PC: variants seen among roughly 807,000 people sequenced by gnomAD.
PC encodes the protein pyruvate carboxylase.
Under a neutral mutation model 107.8 loss-of-function variants are expected in PC, and 46 were observed. The ratio of observed to expected loss-of-function variants is 0.43; its 90% confidence interval spans 0.34 to 0.55. PC has a LOEUF of 0.55. Among genes scored for constraint, PC ranks in the 20% least tolerant of loss-of-function variants. The probability of loss-of-function intolerance (pLI) is 0.04; values close to 1 mark genes in which losing one functional copy is unlikely to be tolerated. For synonymous variants in PC, 662 were observed against 684.7 expected (o/e 0.97, Z 0.52); for missense variants, 1,241 against 1,643.1 (o/e 0.76, Z 4.23).
intron 12 of PC, 46 bp downstream of exon 12, chr11:66,863,728 C>T (rs765313130): frequency 8.2e-6 from 13 of 1,577,010 alleles, no homozygotes; most frequent in Non-Finnish European, 1.1e-5. Context: ...TCAGGGGGCC[C>T]TCCAAGGGCC....
At chr11:66,860,560 G>A (rs1330470245) in intron 12 of PC, 3 of 701,636 alleles carry the variant, frequency 4.3e-6, no homozygotes. Flanking sequence ...GACAAGGGTG[G>A]GGCTACCAGG....
chr11:66,948,455 G>A (rs897913492), intron 3 of PC, among the ~76,000 whole-genome samples: 1 of 152,194 alleles, frequency 6.6e-6, no homozygotes, highest in Non-Finnish European at 1.5e-5. Context: ...CTGGACTGCA[G>A]TGATGGTTTC....
intron 3 of PC, among the ~76,000 whole-genome samples, chr11:66,877,696 T>G (rs921557263): frequency 6.6e-6 from 1 of 152,220 alleles, no homozygotes; most frequent in Non-Finnish European, 1.5e-5. Flanking sequence ...AGAAGCAATT[T>G]AAAGATTCCA....
intron 3 of PC, among the ~76,000 whole-genome samples, chr11:66,926,127 G>A (rs143327890): frequency 4.6e-5 from 7 of 152,290 alleles, no homozygotes; most frequent in African/African-American, 1.7e-4. Flanking sequence ...CACTGTCCAG[G>A]CAAGGCCATT....
chr11:66,913,909 G>A (rs1948405411), intron 3 of PC, among the ~76,000 whole-genome samples: 1 of 152,250 alleles, frequency 6.6e-6, no homozygotes, highest in African/African-American at 2.4e-5. Flanking sequence ...TGTAGAGTCT[G>A]AACAGGGGCC....
chr11:66,921,208 C>T (rs1591284757), intron 3 of PC, among the ~76,000 whole-genome samples: 1 of 152,264 alleles, frequency 6.6e-6, no homozygotes, highest in Admixed American at 6.5e-5. Flanking sequence ...GTGGAAACGA[C>T]CCCGCTAAAA....
intron 3 of PC, among the ~76,000 whole-genome samples, chr11:66,904,787 GGGAACGGCATTAAGA>G (rs1288562218): frequency 2.0e-5 from 3 of 152,258 alleles, no homozygotes; most frequent in Non-Finnish European, 2.9e-5. Flanking sequence ...TCTGTGGGAA[GGGAACGGCATTAAGA>G]GGAACGGCAT....
chr11:66,885,799 G>A, intron 3 of PC, among the ~76,000 whole-genome samples: 1 of 152,114 alleles, frequency 6.6e-6, no homozygotes, highest in Admixed American at 6.5e-5. Flanking sequence ...TGGGGTTTCT[G>A]GCCTCCAGAT....
chr11:66,941,215 G>A (rs1949122708), intron 3 of PC, among the ~76,000 whole-genome samples: 1 of 152,126 alleles, frequency 6.6e-6, no homozygotes, highest in Non-Finnish European at 1.5e-5. Flanking sequence ...TGAGGATGTG[G>A]AAAAACTGGA....
chr11:66,938,980 T>C (rs1949061606), intron 3 of PC, among the ~76,000 whole-genome samples: 1 of 152,208 alleles, frequency 6.6e-6, no homozygotes, highest in Admixed American at 6.5e-5. Context: ...CATTTTAGGT[T>C]TCATCTTCTC....
In PC at chr11:66,866,409, G is replaced by C. The variant is rs531902718; in HGVS notation, c.1023-60C>G. 1.6e-6 allele frequency: 2 copies of C among 1,256,044 alleles called. No homozygotes were observed. The highest frequency in any genetic ancestry group is 1.3e-5 in the South Asian group (1 of 79,804). The allele number at this position is 1,256,044 out of a possible 1,614,324, so 77.8% of individuals were successfully genotyped here. A position where few individuals can be genotyped will look rare whatever the true frequency, so the allele number is the denominator to read the frequency against. ...GAGAAAGGGGGAAACATGAGGCGGG[G>C]GATAGACGAGGGGCACCGCAGCCAG... On this transcript the variant is annotated intron_variant, in intron 10 of 22. Transcript: ENST00000393960. This position sits in a 1 kb window ranked among gnomAD's most constrained non-coding sequence, Gnocchi z 5.4.
intron 12 of PC, chr11:66,859,502 C>A (rs1321198296): frequency 1.0e-5 from 15 of 1,500,776 alleles, no homozygotes; most frequent in South Asian, 1.3e-5. Context: ...CCAGCCTGTT[C>A]ACCTTCCTGA....
chr11:66,871,909 C>T lies in PC; in HGVS notation c.137-38G>A. ...GAAACAAGAAGTTAGATTCCTAGGT[C>T]CTAGGAGAAGCAGAAAGGGGAGTGG... On this transcript the variant is annotated intron_variant, in intron 4 of 22. Coordinates refer to ENST00000393960, the MANE Select transcript of PC (RefSeq NM_001040716.2). The surrounding 1 kb of genome is among the most constrained non-coding windows in gnomAD (Gnocchi z 7.4). 1 of 1,595,750 alleles carries T rather than the reference C, an allele frequency of 6.3e-7. No individual in the cohort carries two copies.
At chr11:66,931,434 C>T (rs184399917) in intron 3 of PC, among the ~76,000 whole-genome samples, 7 of 149,758 alleles carry the variant, frequency 4.7e-5, no homozygotes, top group Admixed American at 4.6e-4. Context: ...GGACTTCAAC[C>T]GGGGAGGGAA....
intron 3 of PC, among the ~76,000 whole-genome samples, chr11:66,892,231 T>G (rs1330749398): frequency 1.3e-5 from 2 of 152,150 alleles, no homozygotes; most frequent in African/African-American, 4.8e-5. Flanking sequence ...TGAAGAACAC[T>G]TCCCCTGAGA....
At chr11:66,868,814 G>A (rs1416218605) in intron 10 of PC, 32 bp downstream of exon 10, 8 of 1,545,214 alleles carry the variant, frequency 5.2e-6, no homozygotes, top group Middle Eastern at 3.4e-4. Context: ...TAGAAGCCGC[G>A]CCTCCCGCCC....
chr11:66,904,802 A>C (rs535932506), intron 3 of PC, among the ~76,000 whole-genome samples: 1 of 152,348 alleles, frequency 6.6e-6, no homozygotes, highest in Non-Finnish European at 1.5e-5. Flanking sequence ...CGGCATTAAG[A>C]GGAACGGCAT....
At position 66,871,971 on chromosome 11, in the gene PC, G is replaced by A. The variant is rs1433009822; in HGVS notation, c.136+53C>T. 4 of 1,560,606 alleles carry A rather than the reference G, an allele frequency of 2.6e-6. No individual in the cohort carries two copies. In the African/African-American group the frequency reaches 4.1e-5, roughly 16 times the overall value. On this transcript the variant is annotated intron_variant, in intron 4 of 22. Transcript: ENST00000393960. The surrounding 1 kb of genome is among the most constrained non-coding windows in gnomAD (Gnocchi z 7.4). ...CTGGGGCAGTGAGTGGGAGAAGAAT[G>A]CCAAGGCTGGGGCGGCCATGAGGCT...
At chr11:66,883,655 TC>T (rs1565259413) in intron 3 of PC, among the ~76,000 whole-genome samples, 1 of 152,172 alleles carries the variant, frequency 6.6e-6, no homozygotes, top group African/African-American at 2.4e-5. Context: ...GGGCACAGGA[TC>T]CCTGGTCTCT....
Sources: allele counts gnomAD v4.1 joint callset (sites outside exome capture counted in the v4.1 genomes callset), GRCh38; gene constraint gnomAD v4.1.1; non-coding constraint Gnocchi (gnomAD v3.1); transcripts MANE v1.5; gene names NCBI Gene and HGNC (gene_info 2026-07-23, HGNC 2026-07-21).